TUSC3: variants seen among roughly 807,000 people sequenced by gnomAD.
TUSC3 encodes the protein dolichyl-diphosphooligosaccharide--protein glycosyltransferase subunit TUSC3.
Under a neutral mutation model 44.8 loss-of-function variants are expected in TUSC3, and 45 were observed. The ratio of observed to expected loss-of-function variants is 1.00; its 90% CI spans 0.79 to 1.29. The LOEUF (loss-of-function observed/expected upper bound fraction) is 1.29. TUSC3 is among the 50% of genes most tolerant of loss of function. TUSC3 has a pLI of 0.00. For synonymous variants in TUSC3, 212 were observed against 152.9 expected (o/e 1.39, Z -2.85); for missense variants, 519 against 437.9 (o/e 1.19, Z -1.65).
At chr8:15,598,774 C>T (rs1273882587) in intron 1 of TUSC3, among the ~76,000 whole-genome samples, 1 of 151,666 alleles carries the variant, frequency 6.6e-6, no homozygotes, top group Non-Finnish European at 1.5e-5. Flanking sequence ...GGTTTGATAG[C>T]TCATTTTTTT....
the TUSC3 span, among the ~76,000 whole-genome samples, chr8:15,851,654 G>A: frequency 2.0e-5 from 3 of 152,132 alleles, no homozygotes; most frequent in Admixed American, 1.3e-4. Context: ...GTCCTCCACC[G>A]CTGCTCAGAT....
chr8:15,593,621 C>A (rs886810251), intron 1 of TUSC3, among the ~76,000 whole-genome samples: 2 of 152,108 alleles, frequency 1.3e-5, no homozygotes, highest in Non-Finnish European at 2.9e-5. Context: ...TTTAATAATA[C>A]AATTGTAATC....
At chr8:15,776,899 G>A in the TUSC3 span, among the ~76,000 whole-genome samples, 1 of 151,036 alleles carries the variant, frequency 6.6e-6, no homozygotes, top group African/African-American at 2.4e-5. Flanking sequence ...ACTTGAGACT[G>A]AAATTTTACG....
the TUSC3 span, among the ~76,000 whole-genome samples, chr8:15,795,563 C>T: frequency 6.6e-6 from 1 of 152,166 alleles, no homozygotes; most frequent in African/African-American, 2.4e-5. Context: ...CATCTGTGAA[C>T]TTTCTTATGA....
At chr8:15,843,593 C>CATAAGTAT in the TUSC3 span, among the ~76,000 whole-genome samples, 13 of 91,112 alleles carry the variant, frequency 1.4e-4, no homozygotes, top group African/African-American at 7.9e-4. Flanking sequence ...ACTTGATGTA[C>CATAAGTAT]ATATATATAT....
intron 2 of TUSC3, among the ~76,000 whole-genome samples, chr8:15,639,822 G>C (rs10081561): frequency 4.8e-5 from 7 of 146,062 alleles, no homozygotes; most frequent in Non-Finnish European, 1.0e-4. Flanking sequence ...ACTTAGTACA[G>C]TCAGTCAATA....
chr8:15,419,575 C>T (rs753130863), intron 1 of TUSC3, among the ~76,000 whole-genome samples: 5 of 151,954 alleles, frequency 3.3e-5, no homozygotes, highest in Admixed American at 6.6e-5. Context: ...TTTCAGTCTA[C>T]GGTTATACGT....
chr8:15,564,344 T>C (rs915873259), intron 1 of TUSC3, among the ~76,000 whole-genome samples: 2 of 152,162 alleles, frequency 1.3e-5, no homozygotes, highest in Non-Finnish European at 2.9e-5. Flanking sequence ...TCATTTGAAA[T>C]ATTCATATAC....
At chr8:15,496,152 G>T (rs562414537) in intron 2 of TUSC3, among the ~76,000 whole-genome samples, 327 of 152,176 alleles carry the variant, frequency 2.1e-3, no homozygotes, top group African/African-American at 7.0e-3. Context: ...TGTTCTATAC[G>T]TCCTTGATAA....
chr8:15,555,554 C>G (rs1045042996), intron 1 of TUSC3, among the ~76,000 whole-genome samples: 1 of 151,362 alleles, frequency 6.6e-6, no homozygotes, highest in Non-Finnish European at 1.5e-5. Flanking sequence ...CTTGGCCTCC[C>G]AGAGTGCTGG....
the TUSC3 span, among the ~76,000 whole-genome samples, chr8:15,780,556 C>CT: frequency 6.6e-6 from 1 of 152,204 alleles, no homozygotes; most frequent in Non-Finnish European, 1.5e-5. Context: ...CTGGAAGGCA[C>CT]TTGCCAGCAT....
At chr8:15,466,978 C>G (rs376446981) in intron 1 of TUSC3, among the ~76,000 whole-genome samples, 14 of 152,166 alleles carry the variant, frequency 9.2e-5, no homozygotes, top group East Asian at 7.7e-4. Flanking sequence ...AAATTCATGA[C>G]TTTACCCTTC....
intron 5 of TUSC3, among the ~76,000 whole-genome samples, chr8:15,670,563 A>G (rs1340463807): frequency 6.6e-6 from 1 of 151,924 alleles, no homozygotes; most frequent in Non-Finnish European, 1.5e-5. Flanking sequence ...TAAAAGTAAA[A>G]TGCGAACATT....
intron 1 of TUSC3, among the ~76,000 whole-genome samples, chr8:15,455,249 G>A (rs1409369606): frequency 6.6e-6 from 1 of 152,128 alleles, no homozygotes; most frequent in African/African-American, 2.4e-5. Context: ...CAGGACTGGT[G>A]GATCATAATC....
At chr8:15,670,351 A>G (rs117688090) in intron 5 of TUSC3, among the ~76,000 whole-genome samples, 2,441 of 152,020 alleles carry the variant, frequency 0.016, 39 homozygotes, top group Middle Eastern at 0.027. Flanking sequence ...CATTTCACAT[A>G]AAGCCATCTG....
At chr8:15,421,135 C>T (rs1342910318) in intron 1 of TUSC3, among the ~76,000 whole-genome samples, 2 of 152,150 alleles carry the variant, frequency 1.3e-5, no homozygotes, top group Non-Finnish European at 1.5e-5. Flanking sequence ...AGTTCTTCCC[C>T]AGAGTATTCC....
At chr8:15,817,896 G>C in the TUSC3 span, among the ~76,000 whole-genome samples, 1,775 of 152,266 alleles carry the variant, frequency 0.012, 48 homozygotes, top group African/African-American at 0.04. Flanking sequence ...GGCAAGATAA[G>C]AGGAAGAGAA....
intron 2 of TUSC3, among the ~76,000 whole-genome samples, chr8:15,512,918 CTA>C (rs1158614484): frequency 5.6e-5 from 4 of 71,238 alleles, no homozygotes; most frequent in African/African-American, 2.5e-4. Flanking sequence ...ATATATGTAT[CTA>C]TATATATAAT....
chr8:15,847,846 T>G, the TUSC3 span, among the ~76,000 whole-genome samples: 1 of 152,158 alleles, frequency 6.6e-6, no homozygotes, highest in Non-Finnish European at 1.5e-5. Flanking sequence ...TGAGTGAACG[T>G]TTGCTGACTG....
Sources: allele counts gnomAD v4.1 joint callset (sites outside exome capture counted in the v4.1 genomes callset), GRCh38; gene constraint gnomAD v4.1.1; transcripts MANE v1.5; gene names NCBI Gene and HGNC (gene_info 2026-07-23, HGNC 2026-07-21).